The following TXNL1 variants were observed in gnomAD, a reference collection of about 807,000 sequenced individuals.
TXNL1 encodes thioredoxin like 1.
Under a neutral mutation model 35.5 loss-of-function variants are expected in TXNL1, and 14 were observed. That is an observed-to-expected ratio of 0.39 (90% CI 0.26 to 0.62). TXNL1 has a LOEUF of 0.62. TXNL1 is among the 20% of genes least tolerant of loss of function. The pLI is 0.47. For missense variants in TXNL1, 263 were observed against 349.7 expected (o/e 0.75, Z 1.98); for synonymous variants, 110 against 115.5 (o/e 0.95, Z 0.31).
chr18:56,615,390 GAA>G (rs5825192), intron 5 of TXNL1, among the ~76,000 whole-genome samples: 1 of 121,666 alleles, frequency 8.2e-6, no homozygotes, highest in Non-Finnish European at 1.6e-5. Flanking sequence ...CCAATCAATC[GAA>G]AAAAAAAAAA....
At chr18:56,615,028 G>GT (rs2024061258) in intron 5 of TXNL1, among the ~76,000 whole-genome samples, 1 of 152,206 alleles carries the variant, frequency 6.6e-6, no homozygotes, top group Admixed American at 6.5e-5. Context: ...GTTGCCAATA[G>GT]TTGGTACATT....
rs983193235 is a variant in TXNL1, at chr18:56,597,532, C to A, written c.*5495G>T. The A allele has an allele frequency of 6.6e-6, 1 of 152,138 alleles. No individual in the cohort carries two copies. Among genetic ancestry groups the A allele is most frequent in the Middle Eastern group, 3.2e-3 (1 of 316 alleles). 9.4% of individuals were successfully genotyped at this position (152,138 alleles called of 1,614,324 possible). Reference sequence around the variant, plus strand: ...GATGGTGACTGCTCCCTCTTGGATTCATTAACACTACTTTATTACCACCTC... The same window carrying A: ...GATGGTGACTGCTCCCTCTTGGATTAATTAACACTACTTTATTACCACCTC... On this transcript the variant is annotated 3_prime_UTR_variant, in exon 8 of 8. Coordinates refer to ENST00000217515, the MANE Select transcript of TXNL1 (RefSeq NM_004786.3).
intron 4 of TXNL1, among the ~76,000 whole-genome samples, chr18:56,617,667 T>G (rs1177779107): frequency 1.3e-5 from 2 of 152,170 alleles, no homozygotes; most frequent in African/African-American, 2.4e-5. Context: ...TAGTCTCTAT[T>G]TCTCATATAC....
Position 56,626,421 on chromosome 18 carries a change from A to G in TXNL1, c.135T>C (p.Ser45=), listed in dbSNP as rs373533025. The change falls in exon 2 of 8, where the codon AGT becomes AGC. Residue 45 remains serine, a synonymous_variant. Transcript: ENST00000217515. ...CCTGTGGATATTTATTACTCATAGA[A>G]CTGAATGCTGGGGCAATCCTCAAAC... ...GPCLRIAPAF[S]SMSNKYPQAV... is the part of the protein sequence containing the mutation. 1.2e-6 allele frequency: 2 copies of G among 1,613,676 alleles called. No homozygotes were observed. Among genetic ancestry groups the G allele is most frequent in the Admixed American group, 1.7e-5 (1 of 59,978 alleles).
chr18:56,631,635 C>T (rs1240562311), intron 1 of TXNL1, among the ~76,000 whole-genome samples: 2 of 151,996 alleles, frequency 1.3e-5, no homozygotes, highest in East Asian at 3.9e-4. Flanking sequence ...AGAAATAAAC[C>T]CAGCCGGGCG....
rs1385427351 is a variant in TXNL1 at position 56,603,145 on chromosome 18, G to A, written c.841-89C>T. The A allele has an allele frequency of 9.0e-6, 11 of 1,221,234 alleles. No homozygotes were observed. The East Asian group carries it at 2.6e-4, about 29-fold the overall frequency. The allele number at this position is 1,221,234 out of a possible 1,614,324, so 75.6% of individuals were successfully genotyped here. On this transcript the variant is annotated intron_variant, in intron 7 of 7. Coordinates refer to ENST00000217515, the MANE Select transcript of TXNL1 (RefSeq NM_004786.3). Reference sequence around the variant, plus strand: ...TACTAATAATCAGTTTAAAACCTTGGTATTAATTTTTATCCTTGGATCTTT... The same window carrying A: ...TACTAATAATCAGTTTAAAACCTTGATATTAATTTTTATCCTTGGATCTTT...
chr18:56,607,903 A>C (rs531261556), intron 7 of TXNL1, among the ~76,000 whole-genome samples: 43 of 152,308 alleles, frequency 2.8e-4, no homozygotes, highest in African/African-American at 9.9e-4. Flanking sequence ...AAATATTGTA[A>C]GTCAAAAATG....
intron 1 of TXNL1, among the ~76,000 whole-genome samples, chr18:56,629,656 G>A (rs2024340458): frequency 6.6e-6 from 1 of 152,140 alleles, no homozygotes; most frequent in Non-Finnish European, 1.5e-5. Context: ...TGCATCCTTT[G>A]CTTTTTTGTG....
chr18:56,633,619 C>CA lies in TXNL1; in HGVS notation c.98+4723dup, dbSNP rs58501408. Among the ~76,000 whole-genome samples the CA allele has an allele frequency of 8.7e-4, 79 of 91,026 alleles. 1 individual carries two copies. Among genetic ancestry groups the CA allele is most frequent in the Admixed American group, 1.1e-3 (9 of 7,996 alleles). The allele number at this position is 91,026 out of a possible 152,430, so 59.7% of individuals were successfully genotyped here. On this transcript the variant is annotated intron_variant, in intron 1 of 7. Transcript: ENST00000217515. ...TGAGCAACAGAGCGAGACCCTGTCTCAAAAAAAAAAAAAAAAAAAAATCAG... is the reference window on the plus strand; with the variant it reads ...TGAGCAACAGAGCGAGACCCTGTCTCAAAAAAAAAAAAAAAAAAAAAATCAG...
At position 56,615,863 on chromosome 18, in the gene TXNL1, C is replaced by T. The variant is rs1445007867; in HGVS notation, c.562+382G>A. Among the ~76,000 whole-genome samples, 6 of 152,248 alleles carry T rather than the reference C, an allele frequency of 3.9e-5. No individual in the cohort carries two copies. In the South Asian group the frequency reaches 1.2e-3, roughly 32 times the overall value. On this transcript the variant is annotated intron_variant, in intron 5 of 7. Transcript: ENST00000217515. ...GTTCCAAAACAAGCCAGGTGCGGTG[C>T]TCATGCCTATAATCTTAGCAGTCTG...
Position 56,604,405 on chromosome 18 carries a change from G to C in TXNL1, c.841-1349C>G, listed in dbSNP as rs567852919. The C allele has an allele frequency of 4.6e-5, 7 of 152,312 alleles. No individual in the cohort carries two copies. The East Asian group carries it at 7.7e-4, about 17-fold the overall frequency. 9.4% of individuals were successfully genotyped at this position (152,312 alleles called of 1,614,324 possible). ...AATATTAAAAATTAAACTTCTAGCAGATGTGATACAGAAGACACAAATCTG... is the reference window on the plus strand; with the variant it reads ...AATATTAAAAATTAAACTTCTAGCACATGTGATACAGAAGACACAAATCTG... On this transcript the variant is annotated intron_variant, in intron 7 of 7. Coordinates refer to ENST00000217515, the MANE Select transcript of TXNL1 (RefSeq NM_004786.3).
chr18:56,638,199 G>A, intron 1 of TXNL1, 144 bp downstream of exon 1: 2 of 795,836 alleles, frequency 2.5e-6, no homozygotes, highest in East Asian at 3.1e-5. Flanking sequence ...CGAGAAACGA[G>A]GCCTAATTCC....
chr18:56,613,987 C>T (rs982357657), intron 6 of TXNL1, among the ~76,000 whole-genome samples: 12 of 151,532 alleles, frequency 7.9e-5, no homozygotes, highest in East Asian at 1.9e-4. Flanking sequence ...GGCAACACAG[C>T]GAGACTCCAT....
chr18:56,637,693 T>C (rs1385161638), intron 1 of TXNL1, among the ~76,000 whole-genome samples: 2 of 152,200 alleles, frequency 1.3e-5, no homozygotes, highest in Non-Finnish European at 2.9e-5. Flanking sequence ...ATATATTATA[T>C]ATGTACTGTC....
At chr18:56,612,186 A>G (rs1040919337) in intron 6 of TXNL1, among the ~76,000 whole-genome samples, 2 of 151,898 alleles carry the variant, frequency 1.3e-5, no homozygotes, top group Admixed American at 6.6e-5. Context: ...TTTATAGAGA[A>G]TGTTGAAAGG....
In TXNL1 at chr18:56,626,448, T is replaced by C. The variant is rs1195464180; in HGVS notation, c.108A>G (p.Pro36=). The change falls in exon 2 of 8, where the codon CCA becomes CCG. Residue 36 remains proline (P), a synonymous_variant. Coordinates refer to ENST00000217515, the MANE Select transcript of TXNL1 (RefSeq NM_004786.3). Reference sequence around the variant, plus strand: ...TGAATGCTGGGGCAATCCTCAAACATGGCCCACACCTGTTAGAAAAGGAAA... The same window carrying C: ...TGAATGCTGGGGCAATCCTCAAACACGGCCCACACCTGTTAGAAAAGGAAA... ...VVKFTMRGCG[P]CLRIAPAFSS... 9 of 1,611,634 alleles carry C rather than the reference T, an allele frequency of 5.6e-6. No homozygotes were observed. Among genetic ancestry groups the C allele is most frequent in the South Asian group, 1.1e-5 (1 of 90,716 alleles).
rs865841263 is a variant in TXNL1 at position 56,610,660 on chromosome 18, T to C, written c.840+333A>G. 8.3e-5 allele frequency: 13 copies of C among 156,672 alleles called. 1 individual carries two copies. The Middle Eastern group carries it at 9.7e-3, about 117-fold the overall frequency. 9.7% of individuals were successfully genotyped at this position (156,672 alleles called of 1,614,324 possible). A position where few individuals can be genotyped will look rare whatever the true frequency, so the allele number is the denominator to read the frequency against. ...TACTATCAACTAAGTTATTTAATTCTCACAACTGCTTTCAAATGATTTTAC... is the reference window on the plus strand; with the variant it reads ...TACTATCAACTAAGTTATTTAATTCCCACAACTGCTTTCAAATGATTTTAC... On this transcript the variant is annotated intron_variant, in intron 7 of 7. Coordinates refer to ENST00000217515, the MANE Select transcript of TXNL1 (RefSeq NM_004786.3).
At chr18:56,618,194 A>C (rs2144306038) in intron 3 of TXNL1, 68 bp from the exon 4 acceptor site, 1 of 1,504,412 alleles carries the variant, frequency 6.6e-7, no homozygotes, top group African/African-American at 1.4e-5. Flanking sequence ...AAAAAATTTA[A>C]ATCTCTGATT....
intron 3 of TXNL1, among the ~76,000 whole-genome samples, chr18:56,620,116 G>T (rs1419016198): frequency 6.6e-6 from 1 of 152,054 alleles, no homozygotes; most frequent in Non-Finnish European, 1.5e-5. Context: ...TTACAGGCGT[G>T]TGCCACCATG....
Sources: allele counts gnomAD v4.1 joint callset (sites outside exome capture counted in the v4.1 genomes callset), GRCh38; gene constraint gnomAD v4.1.1; transcripts MANE v1.5; gene names NCBI Gene and HGNC (gene_info 2026-07-23, HGNC 2026-07-21).